Variants in SLC24A2 observed in about 807,000 individuals in gnomAD.
SLC24A2 encodes solute carrier family 24 member 2, also known as sodium/potassium/calcium exchanger 2.
In SLC24A2, 36 loss-of-function variants were observed where a neutral mutation model predicts 62.0. The observed-to-expected ratio is 0.58, with a 90% CI of 0.44 to 0.77. SLC24A2 has a LOEUF of 0.77. Among genes scored for constraint, SLC24A2 ranks in the 30% least tolerant of loss-of-function variants. SLC24A2 has a pLI of 0.00. For missense variants in SLC24A2, 846 were observed against 817.9 expected, an observed-to-expected ratio of 1.03 and a Z score of -0.42; for synonymous variants, 358 against 294.0, an observed-to-expected ratio of 1.22 and a Z score of -2.23.
the SLC24A2 span, among the ~76,000 whole-genome samples, chr9:20,162,340 G>A: frequency 2.6e-4 from 39 of 151,538 alleles, no homozygotes; most frequent in Non-Finnish European, 5.0e-4. Context: ...AAATGCCTAG[G>A]CATAAATTTA....
the SLC24A2 span, among the ~76,000 whole-genome samples, chr9:19,972,100 G>A: frequency 2.6e-5 from 4 of 152,056 alleles, no homozygotes; most frequent in Admixed American, 6.6e-5. Context: ...TTTGTTAGCT[G>A]GGTTGCTGAT....
the SLC24A2 span, among the ~76,000 whole-genome samples, chr9:19,812,863 T>A: frequency 2.0e-5 from 3 of 152,310 alleles, no homozygotes; most frequent in East Asian, 5.8e-4. Context: ...TCTGCCTACT[T>A]CCGTTATTCT....
At chr9:19,533,863 G>C (rs1035841787) in intron 8 of SLC24A2, among the ~76,000 whole-genome samples, 2 of 152,176 alleles carry the variant, frequency 1.3e-5, no homozygotes, top group Non-Finnish European at 2.9e-5. Context: ...TCACTTACTG[G>C]ATTTGTGTCA....
At chr9:19,868,098 CTTCT>C in the SLC24A2 span, among the ~76,000 whole-genome samples, 1 of 151,566 alleles carries the variant, frequency 6.6e-6, no homozygotes, top group South Asian at 2.1e-4. Context: ...TGAGATCTTT[CTTCT>C]TTCTGACATA....
chr9:20,153,017 C>T, the SLC24A2 span, among the ~76,000 whole-genome samples: 22 of 151,812 alleles, frequency 1.4e-4, no homozygotes, highest in South Asian at 6.2e-4. Context: ...GGCTAGAGAC[C>T]GACAAACAGA....
At chr9:20,036,492 C>T in the SLC24A2 span, among the ~76,000 whole-genome samples, 1 of 152,162 alleles carries the variant, frequency 6.6e-6, no homozygotes, top group Non-Finnish European at 1.5e-5. Flanking sequence ...TTCCCATTCC[C>T]CCCCACTACC....
At chr9:20,285,184 C>G in the SLC24A2 span, among the ~76,000 whole-genome samples, 1 of 152,124 alleles carries the variant, frequency 6.6e-6, no homozygotes, top group Non-Finnish European at 1.5e-5. Flanking sequence ...ATGCTGCCCT[C>G]CAAATTCATG....
intron 2 of SLC24A2, among the ~76,000 whole-genome samples, chr9:19,743,528 G>C (rs557485551): frequency 1.3e-5 from 2 of 152,250 alleles, no homozygotes; most frequent in South Asian, 4.1e-4. Context: ...TCGGGGCTGG[G>C]CAGAGGAGTG....
the SLC24A2 span, among the ~76,000 whole-genome samples, chr9:20,294,823 A>G: frequency 6.6e-6 from 1 of 152,132 alleles, no homozygotes; most frequent in Non-Finnish European, 1.5e-5. Context: ...ATGGCCACCC[A>G]ACATTGGTAT....
At chr9:20,076,880 T>TATATATAC in the SLC24A2 span, among the ~76,000 whole-genome samples, 7 of 120,554 alleles carry the variant, frequency 5.8e-5, no homozygotes, top group East Asian at 1.5e-3. Flanking sequence ...TATATATATA[T>TATATATAC]ACATATCATA....
At chr9:20,163,911 G>C in the SLC24A2 span, among the ~76,000 whole-genome samples, 3 of 152,188 alleles carry the variant, frequency 2.0e-5, no homozygotes, top group Admixed American at 6.5e-5. Context: ...AATGGTGCTG[G>C]GAAAACTGGC....
At chr9:19,785,900 C>CAAG in intron 2 of SLC24A2, 37 bp downstream of exon 2, 1 of 1,613,934 alleles carries the variant, frequency 6.2e-7, no homozygotes, top group Non-Finnish European at 8.5e-7. Flanking sequence ...GAACCGTAGT[C>CAAG]AAGAAAAGCA....
intron 2 of SLC24A2, among the ~76,000 whole-genome samples, chr9:19,715,451 T>C (rs1820831492): frequency 6.6e-6 from 1 of 152,206 alleles, no homozygotes; most frequent in African/African-American, 2.4e-5. Flanking sequence ...AAAAAAATGA[T>C]GGAACCCCTT....
the SLC24A2 span, among the ~76,000 whole-genome samples, chr9:20,280,040 C>A: frequency 6.6e-6 from 1 of 152,152 alleles, no homozygotes; most frequent in African/African-American, 2.4e-5. Context: ...CAGGGTCTGG[C>A]GGGAAAAATA....
the SLC24A2 span, among the ~76,000 whole-genome samples, chr9:19,890,471 T>G: frequency 3.3e-5 from 5 of 152,114 alleles, no homozygotes; most frequent in African/African-American, 1.2e-4. Flanking sequence ...TCAATGTCAT[T>G]TGATACAATT....
the SLC24A2 span, among the ~76,000 whole-genome samples, chr9:19,856,799 G>C: frequency 6.6e-6 from 1 of 152,146 alleles, no homozygotes; most frequent in East Asian, 1.9e-4. Context: ...TTAACAAAGC[G>C]CTCTGGCTGC....
At chr9:20,177,517 G>A in the SLC24A2 span, among the ~76,000 whole-genome samples, 3 of 152,072 alleles carry the variant, frequency 2.0e-5, no homozygotes, top group African/African-American at 7.2e-5. Context: ...AGGTAGAGGT[G>A]TTGACCCCGT....
intron 2 of SLC24A2, among the ~76,000 whole-genome samples, chr9:19,672,142 G>T (rs1452080767): frequency 6.8e-6 from 1 of 146,242 alleles, no homozygotes; most frequent in Non-Finnish European, 1.5e-5. Flanking sequence ...CCAGTTCTTT[G>T]AATGTCTGAT....
chr9:20,209,297 C>A, the SLC24A2 span, among the ~76,000 whole-genome samples: 1 of 152,142 alleles, frequency 6.6e-6, no homozygotes, highest in Non-Finnish European at 1.5e-5. Flanking sequence ...AATGAATCAC[C>A]CTGTTTTTAG....
Sources: allele counts gnomAD v4.1 joint callset (sites outside exome capture counted in the v4.1 genomes callset), GRCh38; gene constraint gnomAD v4.1.1; transcripts MANE v1.5; gene names NCBI Gene and HGNC (gene_info 2026-07-23, HGNC 2026-07-21).